FAM135A: variants seen among roughly 807,000 people sequenced by gnomAD.
FAM135A encodes protein FAM135A.
FAM135A carries 79 observed loss-of-function variants against 146.8 expected under a neutral mutation model. The observed-to-expected ratio is 0.54, with a 90% CI of 0.45 to 0.65. The LOEUF (loss-of-function observed/expected upper bound fraction) is 0.65. Among genes scored for constraint, FAM135A ranks in the 30% least tolerant of loss-of-function variants. FAM135A has a pLI of 0.00. For synonymous variants in FAM135A, 562 were observed against 603.6 expected (o/e 0.93, Z 1.01); for missense variants, 1,623 against 1,758.2 (o/e 0.92, Z 1.38).
chr6:70,547,923 A>G (rs991735129), intron 20 of FAM135A, among the ~76,000 whole-genome samples: 1 of 152,226 alleles, frequency 6.6e-6, no homozygotes, highest in Non-Finnish European at 1.5e-5. Flanking sequence ...TAACCGTTCA[A>G]CAAATAATTA....
intron 12 of FAM135A, chr6:70,503,559 A>T (rs937948650): frequency 6.6e-6 from 1 of 152,136 alleles, no homozygotes; most frequent in African/African-American, 2.4e-5. Context: ...GAAGTAGAAC[A>T]CTCTCAATGC....
chr6:70,454,563 C>A (rs1777875633), intron 5 of FAM135A, among the ~76,000 whole-genome samples: 1 of 152,144 alleles, frequency 6.6e-6, no homozygotes, highest in African/African-American at 2.4e-5. Context: ...AGTCTTTAAT[C>A]CATCTTGAAT....
intron 5 of FAM135A, among the ~76,000 whole-genome samples, chr6:70,472,026 A>G (rs934304431): frequency 3.9e-5 from 6 of 152,132 alleles, no homozygotes; most frequent in African/African-American, 1.4e-4. Context: ...CAGGATAGTG[A>G]GTGGTACTGT....
Position 70,557,075 on chromosome 6 carries a change from A to G in FAM135A, c.4342+212A>G, listed in dbSNP as rs537791795. ...GAAGTAATACTTTCATCTAATTACA[A>G]ATGCCTCTCCATTTTGCTGCCTCAG... On this transcript the variant is annotated intron_variant, in intron 21 of 21. Transcript: ENST00000418814. 6.1e-5 allele frequency: 35 copies of G among 569,650 alleles called. No individual in the cohort carries two copies. The South Asian group carries it at 8.0e-4, about 13-fold the overall frequency. The allele number at this position is 569,650 out of a possible 1,614,324, so 35.3% of individuals were successfully genotyped here.
Position 70,526,062 on chromosome 6 carries a change from A to G in FAM135A, c.2978A>G (p.Asp993Gly). ...SISSNTDVSE[D>G]RTMKKNSDVL... is the part of the protein sequence containing the mutation. ...TCTAGTAATACAGATGTTAGTGAAG[A>G]TAGAACTATGAAAAAAAATAGTGAT... The change falls in exon 15 of 22, where the codon GAT becomes GGT. Residue 993 changes from aspartate (D) to glycine (G), a missense_variant. Transcript: ENST00000418814. 1 of 1,612,724 alleles carries G rather than the reference A, an allele frequency of 6.2e-7. No individual in the cohort carries two copies. The highest frequency in any genetic ancestry group is 8.5e-7 in the Non-Finnish European group (1 of 1,179,500).
chr6:70,460,949 G>A (rs925993701), intron 5 of FAM135A, among the ~76,000 whole-genome samples: 1 of 150,224 alleles, frequency 6.7e-6, no homozygotes, highest in Non-Finnish European at 1.5e-5. Flanking sequence ...TCAGCCTCCC[G>A]AGTAGCTGGG....
chr6:70,423,732 G>A (rs1380915023), intron 2 of FAM135A, among the ~76,000 whole-genome samples: 1 of 152,214 alleles, frequency 6.6e-6, no homozygotes, highest in Non-Finnish European at 1.5e-5. Context: ...GAAAACAGAT[G>A]TGACAAGCAG....
At chr6:70,431,956 C>T (rs930841266) in intron 4 of FAM135A, among the ~76,000 whole-genome samples, 1 of 151,828 alleles carries the variant, frequency 6.6e-6, no homozygotes, top group Non-Finnish European at 1.5e-5. Flanking sequence ...AACATAATAT[C>T]AACATGTAAA....
intron 11 of FAM135A, among the ~76,000 whole-genome samples, chr6:70,496,712 T>G (rs550641185): frequency 3.9e-5 from 6 of 152,346 alleles, no homozygotes; most frequent in African/African-American, 7.2e-5. Flanking sequence ...AGTTTCAGTT[T>G]TCTGCATATG....
chr6:70,424,056 C>A (rs1365444133), intron 2 of FAM135A, among the ~76,000 whole-genome samples: 1 of 152,136 alleles, frequency 6.6e-6, no homozygotes, highest in Non-Finnish European at 1.5e-5. Context: ...GATCTCATGC[C>A]CTCGCAGTGG....
At chr6:70,451,659 T>A (rs1287823222) in intron 4 of FAM135A, among the ~76,000 whole-genome samples, 1 of 152,166 alleles carries the variant, frequency 6.6e-6, no homozygotes, top group East Asian at 1.9e-4. Flanking sequence ...CAGTAATTAA[T>A]ATATTTATAT....
chr6:70,519,338 T>G (rs999100027), intron 12 of FAM135A, among the ~76,000 whole-genome samples: 3 of 152,220 alleles, frequency 2.0e-5, no homozygotes, highest in Admixed American at 6.5e-5. Context: ...TTTCTTGAGA[T>G]AGACTCTACT....
intron 20 of FAM135A, among the ~76,000 whole-genome samples, chr6:70,555,636 C>T (rs1032555925): frequency 4.6e-5 from 7 of 152,050 alleles, no homozygotes; most frequent in Non-Finnish European, 7.4e-5. Context: ...TGTATGAATA[C>T]CTGTGCTCTA....
Position 70,482,046 on chromosome 6 carries a change from C to A in FAM135A, c.715C>A (p.Arg239Ser). The stretch of plus-strand genomic sequence containing the variant: ...AGACTCCTTCCTACATCATGCGTAT[C>A]GTTTTCATTATACACTTTGTGCCAC... ...IADSFLHHAY[R>S]FHYTLCATLL... Residue 239 changes from arginine (R) to serine (S), a missense_variant, in exon 10 of 22, where the codon CGT (arginine) becomes AGT (serine). By Grantham distance (110) the Arg-to-Ser change is moderately radical. This residue lies in a region of FAM135A where 206 missense variants were observed against 194.7 expected (regional missense o/e 1.06). Transcript: ENST00000418814. 2 of 1,613,732 alleles carry A rather than the reference C, an allele frequency of 1.2e-6. No individual in the cohort carries two copies. Among genetic ancestry groups the A allele is most frequent in the Non-Finnish European group, 1.7e-6 (2 of 1,179,820 alleles).
intron 20 of FAM135A, among the ~76,000 whole-genome samples, chr6:70,547,572 G>T (rs1799080250): frequency 6.6e-6 from 1 of 152,064 alleles, no homozygotes; most frequent in East Asian, 1.9e-4. Context: ...AATATCTTCA[G>T]ATGCTGCAGA....
At chr6:70,511,844 A>G (rs1356074493) in intron 12 of FAM135A, among the ~76,000 whole-genome samples, 1 of 151,958 alleles carries the variant, frequency 6.6e-6, no homozygotes, top group East Asian at 1.9e-4. Flanking sequence ...ACAAACCTGT[A>G]CAGCATGTGA....
chr6:70,431,253 T>A (rs1332762972), intron 4 of FAM135A, among the ~76,000 whole-genome samples: 2 of 152,222 alleles, frequency 1.3e-5, no homozygotes, highest in African/African-American at 4.8e-5. Context: ...AATAAACATT[T>A]ATTTTTGCTC....
chr6:70,448,939 C>A (rs576656801), intron 4 of FAM135A, among the ~76,000 whole-genome samples: 2 of 152,192 alleles, frequency 1.3e-5, no homozygotes, highest in Non-Finnish European at 2.9e-5. Flanking sequence ...AAACCCACAA[C>A]CTTCCAGCCT....
rs1796816165 is a variant in FAM135A, at chr6:70,536,481, G to A, written c.4117+70G>A. The A allele has an allele frequency of 2.4e-6, 3 of 1,266,524 alleles. No homozygotes were observed. The Admixed American group carries it at 9.9e-5, about 42-fold the overall frequency. The allele number at this position is 1,266,524 out of a possible 1,614,324, so 78.5% of individuals were successfully genotyped here. A position where few individuals can be genotyped will look rare whatever the true frequency, so the allele number is the denominator to read the frequency against. ...AAAAATATGAACTTAGTATTTTCTG[G>A]TGTTTATTTTAGAACCAGTTTGTCA... On this transcript the variant is annotated intron_variant, in intron 19 of 21. Coordinates refer to ENST00000418814, the MANE Select transcript of FAM135A (RefSeq NM_001162529.3).
Sources: gnomAD v4.1 joint callset for allele counts (sites outside exome capture counted in the v4.1 genomes callset) on GRCh38, gnomAD v4.1.1 for gene constraint, gnomAD v4.1.1 regional missense constraint, MANE v1.5 for transcripts, NCBI Gene and HGNC (gene_info 2026-07-23, HGNC 2026-07-21) for gene names.